The following RPN2 variants were observed in gnomAD, a reference collection of about 807,000 sequenced individuals.
The protein encoded by RPN2 is dolichyl-diphosphooligosaccharide--protein glycosyltransferase subunit 2.
A neutral mutation model predicts 71.4 loss-of-function variants in RPN2; 29 were observed. The observed-to-expected ratio is 0.41, with a 90% confidence interval of 0.30 to 0.55. The LOEUF (loss-of-function observed/expected upper bound fraction) is 0.55. RPN2 is among the 20% of genes least tolerant of loss of function. RPN2 has a pLI of 0.35. For missense variants in RPN2, 726 were observed against 774.1 expected (o/e 0.94, Z 0.74); for synonymous variants, 308 against 305.0 (o/e 1.01, Z -0.10).
At chr20:37,190,741 A>C (rs2067121579) in intron 2 of RPN2, among the ~76,000 whole-genome samples, 1 of 152,148 alleles carries the variant, frequency 6.6e-6, no homozygotes, top group Non-Finnish European at 1.5e-5. Flanking sequence ...GAGCTCTCTA[A>C]ATGTGCCTGC....
At chr20:37,233,351 C>T (rs1458573561) in intron 14 of RPN2, among the ~76,000 whole-genome samples, 3 of 151,524 alleles carry the variant, frequency 2.0e-5, no homozygotes, top group Non-Finnish European at 2.9e-5. Context: ...TTTTTTTAGC[C>T]AATTGTGTTT....
In RPN2 at chr20:37,228,730, A is replaced by G. The variant is rs200052221; in HGVS notation, c.1480A>G (p.Ile494Val). The G allele has an allele frequency of 2.8e-5, 45 of 1,614,008 alleles. No homozygotes were observed. Among genetic ancestry groups the G allele is most frequent in the Admixed American group, 1.8e-4 (11 of 60,002 alleles). Residue 494 changes from isoleucine to valine, a missense_variant, in exon 12 of 17, where the codon ATC becomes GTC. Transcript: ENST00000237530. ...IIGDATLKNP[I>V]LWNVADVVIK... ...TGGAGATGCCACTTTGAAGAACCCA[A>G]TCCTCTGGAATGTGGTATGTGCCTG...
intron 2 of RPN2, among the ~76,000 whole-genome samples, chr20:37,191,171 T>C (rs2067129260): frequency 6.6e-6 from 1 of 152,168 alleles, no homozygotes; most frequent in African/African-American, 2.4e-5. Context: ...GAGTTGATTT[T>C]AGGTGTTATA....
chr20:37,213,619 G>T, intron 8 of RPN2, 141 bp from the exon 9 acceptor site: 1 of 705,102 alleles, frequency 1.4e-6, no homozygotes. Flanking sequence ...GCACGAGATT[G>T]CCCAAGTGGG....
chr20:37,180,502 G>T (rs2066833579), intron 1 of RPN2, among the ~76,000 whole-genome samples: 1 of 152,170 alleles, frequency 6.6e-6, no homozygotes, highest in Non-Finnish European at 1.5e-5. Flanking sequence ...CGTTAACATG[G>T]AGTGAGAAGA....
chr20:37,228,753 C>T lies in RPN2; in HGVS notation c.1494+9C>T, dbSNP rs777878363. 45 of 1,613,614 alleles carry T rather than the reference C, an allele frequency of 2.8e-5. No individual in the cohort carries two copies. The highest frequency in any genetic ancestry group is 3.8e-5 in the Non-Finnish European group (45 of 1,179,706). On this transcript the variant is annotated intron_variant, in intron 12 of 16. Transcript: ENST00000237530. ...CAATCCTCTGGAATGTGGTATGTGC[C>T]TGAATGTACCCCGACCCAGGTGAGA...
chr20:37,211,402 G>A (rs1260356192), intron 8 of RPN2, among the ~76,000 whole-genome samples: 1 of 150,638 alleles, frequency 6.6e-6, no homozygotes, highest in Non-Finnish European at 1.5e-5. Context: ...CTTTGGGGGG[G>A]CCAAGGTGGG....
chr20:37,194,128 TGC>T (rs754223707), intron 2 of RPN2, among the ~76,000 whole-genome samples: 3 of 152,166 alleles, frequency 2.0e-5, no homozygotes, highest in Non-Finnish European at 4.4e-5. Context: ...ATTTGGAGGT[TGC>T]CACTGGCCTG....
chr20:37,184,542 C>T (rs1028902415), intron 2 of RPN2, among the ~76,000 whole-genome samples, 169 bp downstream of exon 2: 9 of 152,196 alleles, frequency 5.9e-5, no homozygotes, highest in Non-Finnish European at 1.3e-4. Context: ...CCTGTAATGC[C>T]AGCACTTTGG....
At chr20:37,213,711 A>G (rs372929489) in intron 8 of RPN2, 49 bp from the exon 9 acceptor site, 10 of 1,401,388 alleles carry the variant, frequency 7.1e-6, no homozygotes, top group East Asian at 2.3e-5. Flanking sequence ...TGTTATATCC[A>G]TGACTTTCCT....
chr20:37,187,547 T>G (rs2067036154), intron 2 of RPN2, among the ~76,000 whole-genome samples: 1 of 152,108 alleles, frequency 6.6e-6, no homozygotes, highest in South Asian at 2.1e-4. Flanking sequence ...TTAATTATAT[T>G]GTTGGGTTTA....
At chr20:37,239,817 A>G (rs1300801199) in intron 16 of RPN2, among the ~76,000 whole-genome samples, 4 of 151,844 alleles carry the variant, frequency 2.6e-5, no homozygotes, top group African/African-American at 4.8e-5. Context: ...GTTTGGTTTC[A>G]TCCTACATTA....
intron 7 of RPN2, among the ~76,000 whole-genome samples, chr20:37,208,047 G>C (rs995095666): frequency 6.6e-6 from 1 of 152,000 alleles, no homozygotes; most frequent in Non-Finnish European, 1.5e-5. Context: ...TGAAGCAGGC[G>C]GATCATGAGG....
chr20:37,199,310 C>G lies in RPN2; in HGVS notation c.479+85C>G, dbSNP rs11906195. ...GGCTCATTCATTGGTTCAGCAAATA[C>G]TTTCTGGGCAAGTACTTGCAGTAAA... On this transcript the variant is annotated intron_variant, in intron 4 of 16. Transcript: ENST00000237530. 1,247 of 1,532,778 alleles carry G rather than the reference C, an allele frequency of 8.1e-4. 16 individuals carry two copies. The African/African-American group carries it at 0.016, about 19-fold the overall frequency. The allele number at this position is 1,532,778 out of a possible 1,614,324, so 94.9% of individuals were successfully genotyped here. A position where few individuals can be genotyped will look rare whatever the true frequency, so the allele number is the denominator to read the frequency against.
intron 8 of RPN2, among the ~76,000 whole-genome samples, chr20:37,212,068 C>T (rs1393426532): frequency 6.6e-6 from 1 of 152,110 alleles, no homozygotes; most frequent in Non-Finnish European, 1.5e-5. Flanking sequence ...CCATGCCTGG[C>T]CTTTACAATG....
intron 4 of RPN2, chr20:37,200,458 G>A (rs746293393): frequency 5.6e-6 from 3 of 532,982 alleles, no homozygotes; most frequent in Non-Finnish European, 1.2e-5. Flanking sequence ...AGGGTGTGGA[G>A]CACCGTTCTG....
intron 8 of RPN2, among the ~76,000 whole-genome samples, chr20:37,210,411 TTTA>T (rs1322774399): frequency 6.6e-6 from 1 of 152,190 alleles, no homozygotes; most frequent in African/African-American, 2.4e-5. Context: ...AAATTTAATA[TTTA>T]TTGATTTTTT....
chr20:37,233,614 G>A (rs775017932), intron 14 of RPN2, among the ~76,000 whole-genome samples: 1 of 152,156 alleles, frequency 6.6e-6, no homozygotes, highest in Admixed American at 6.5e-5. Context: ...TGGAACCCAC[G>A]GCAAGAGCGT....
At position 37,207,286 on chromosome 20, in the gene RPN2, A is replaced by C; in HGVS notation, c.704A>C (p.Gln235Pro). Reference protein sequence around the residue: ...EPSIKEDQVIQLMNAIFSKKN... With the variant: ...EPSIKEDQVIPLMNAIFSKKN... ...CATTTCTTTCAGGATCAGGTCATCC[A>C]GCTGATGAACGCGATCTTCAGCAAG... is the stretch of plus-strand genomic sequence containing the variant. Residue 235 changes from glutamine (Q) to proline (P), a missense_variant, in exon 7 of 17, where the codon CAG (glutamine) becomes CCG (proline). Gln to Pro is a moderately conservative substitution (Grantham distance 76). Transcript: ENST00000237530. 2 of 1,613,682 alleles carry C rather than the reference A, an allele frequency of 1.2e-6. No homozygotes were observed. Among genetic ancestry groups the C allele is most frequent in the Non-Finnish European group, 1.7e-6 (2 of 1,179,528 alleles).
Sources: gnomAD v4.1 joint callset for allele counts (sites outside exome capture counted in the v4.1 genomes callset) on GRCh38, gnomAD v4.1.1 for gene constraint, MANE v1.5 for transcripts, NCBI Gene and HGNC (gene_info 2026-07-23, HGNC 2026-07-21) for gene names.